The following PDGFC variants were observed in gnomAD, a reference collection of about 807,000 sequenced individuals.
The protein encoded by PDGFC is platelet-derived growth factor C.
PDGFC carries 12 observed loss-of-function variants against 35.5 expected under a neutral mutation model. The ratio of observed to expected loss-of-function variants is 0.34; its 90% CI spans 0.22 to 0.55. The LOEUF (loss-of-function observed/expected upper bound fraction) is 0.55, where lower values mean the gene tolerates loss of function less well. Among genes scored for constraint, PDGFC ranks in the 20% least tolerant of loss-of-function variants. The pLI, the probability that PDGFC is intolerant of heterozygous loss-of-function variation, is 0.91. For missense variants in PDGFC, 322 were observed against 412.4 expected, an observed-to-expected ratio of 0.78 and a Z score of 1.90; for synonymous variants, 159 against 148.8, an observed-to-expected ratio of 1.07 and a Z score of -0.50.
chr4:156,905,384 T>C (rs1185895934), intron 1 of PDGFC, among the ~76,000 whole-genome samples: 1 of 152,116 alleles, frequency 6.6e-6, no homozygotes, highest in East Asian at 1.9e-4. Flanking sequence ...CACTTTTGTA[T>C]TATATGTGCC....
chr4:156,876,920 A>G (rs902733566), intron 1 of PDGFC: 6 of 152,126 alleles, frequency 3.9e-5, no homozygotes, highest in Non-Finnish European at 7.4e-5. Flanking sequence ...GCTCTCTTTC[A>G]AAAGTATAAG....
chr4:156,939,391 A>C (rs1731755802), intron 1 of PDGFC, among the ~76,000 whole-genome samples: 1 of 152,086 alleles, frequency 6.6e-6, no homozygotes. Flanking sequence ...GGCAATTTCA[A>C]CCTTACATGA....
chr4:156,864,961 G>A (rs898228494), intron 1 of PDGFC, among the ~76,000 whole-genome samples: 2 of 151,920 alleles, frequency 1.3e-5, no homozygotes, highest in Non-Finnish European at 2.9e-5. Context: ...AGCTATGGAT[G>A]GTCAAATCAG....
Position 156,767,716 on chromosome 4 carries a change from T to C in PDGFC, c.921+57A>G, listed in dbSNP as rs1430754478. 7 of 1,081,614 alleles carry C rather than the reference T, an allele frequency of 6.5e-6. No homozygotes were observed. In the East Asian group the frequency reaches 1.2e-4, roughly 18 times the overall value. 67.0% of individuals were successfully genotyped at this position (1,081,614 alleles called of 1,614,324 possible). On this transcript the variant is annotated intron_variant, in intron 5 of 5. Coordinates refer to ENST00000502773, the MANE Select transcript of PDGFC (RefSeq NM_016205.3). ...ACATAAACGCATTTCAGATTCACTG[T>C]TTTGTTCTAAGACATAAAATACCCG...
intron 1 of PDGFC, among the ~76,000 whole-genome samples, chr4:156,867,686 G>A (rs530270019): frequency 6.6e-6 from 1 of 152,132 alleles, no homozygotes; most frequent in African/African-American, 2.4e-5. Flanking sequence ...CATATTTTAA[G>A]TGACTTATCG....
intron 1 of PDGFC, among the ~76,000 whole-genome samples, chr4:156,934,228 C>G (rs149145466): frequency 2.6e-5 from 4 of 152,178 alleles, no homozygotes; most frequent in Admixed American, 6.5e-5. Flanking sequence ...CTATTGCACA[C>G]GTAGGCTACG....
chr4:156,765,468 T>G (rs1730498567), intron 5 of PDGFC, among the ~76,000 whole-genome samples: 1 of 152,166 alleles, frequency 6.6e-6, no homozygotes. Context: ...CATGGACCAT[T>G]GCTCAACACG....
chr4:156,831,394 G>T (rs183506354), intron 2 of PDGFC, among the ~76,000 whole-genome samples: 5 of 150,646 alleles, frequency 3.3e-5, no homozygotes, highest in African/African-American at 9.8e-5. Context: ...GATCCCTTGA[G>T]CCCAAGAGTT....
chr4:156,805,910 C>T (rs1245228546), intron 3 of PDGFC, among the ~76,000 whole-genome samples: 1 of 151,950 alleles, frequency 6.6e-6, no homozygotes, highest in Admixed American at 6.6e-5. Flanking sequence ...CTTCTAACCC[C>T]TCCCCACAGA....
chr4:156,821,581 T>C (rs1277130989), intron 2 of PDGFC, among the ~76,000 whole-genome samples: 1 of 152,114 alleles, frequency 6.6e-6, no homozygotes, highest in Non-Finnish European at 1.5e-5. Flanking sequence ...AGGGTCTTGC[T>C]CTGTAGCCCA....
intron 1 of PDGFC, among the ~76,000 whole-genome samples, chr4:156,923,902 G>C (rs981461082): frequency 1.3e-5 from 2 of 152,170 alleles, no homozygotes; most frequent in Non-Finnish European, 2.9e-5. Flanking sequence ...ATTGGGGTTT[G>C]GGGGAACAGA....
At chr4:156,858,622 A>G (rs566490990) in intron 1 of PDGFC, among the ~76,000 whole-genome samples, 7 of 152,090 alleles carry the variant, frequency 4.6e-5, no homozygotes, top group Non-Finnish European at 1.0e-4. Flanking sequence ...AAGGTTCACT[A>G]TTGATTTTTT....
At chr4:156,766,398 A>C (rs921631019) in intron 5 of PDGFC, among the ~76,000 whole-genome samples, 2 of 152,128 alleles carry the variant, frequency 1.3e-5, no homozygotes, top group Admixed American at 1.3e-4. Flanking sequence ...ATTGACACAA[A>C]AAGTAAGAAT....
chr4:156,904,395 C>G (rs1210915925), intron 1 of PDGFC, among the ~76,000 whole-genome samples: 1 of 152,042 alleles, frequency 6.6e-6, no homozygotes, highest in East Asian at 1.9e-4. Context: ...CCTAAATACA[C>G]TCTAAAACCA....
chr4:156,962,785 C>T (rs944165400), intron 1 of PDGFC, among the ~76,000 whole-genome samples: 55 of 152,030 alleles, frequency 3.6e-4, no homozygotes, highest in African/African-American at 1.1e-3. Flanking sequence ...TAATACCTCA[C>T]GGAGAGTTTA....
At chr4:156,861,536 A>C (rs1480757601) in intron 1 of PDGFC, 5 of 685,576 alleles carry the variant, frequency 7.3e-6, no homozygotes, top group Non-Finnish European at 1.1e-5. Context: ...GGTGACCTCA[A>C]ATCCTAATCT....
intron 2 of PDGFC, among the ~76,000 whole-genome samples, chr4:156,830,749 A>G (rs1349697713): frequency 6.6e-6 from 1 of 152,198 alleles, no homozygotes; most frequent in Non-Finnish European, 1.5e-5. Context: ...CGAGCATGCA[A>G]TTCTTTAAAA....
intron 1 of PDGFC, among the ~76,000 whole-genome samples, chr4:156,917,520 T>A (rs1731180794): frequency 6.6e-6 from 1 of 152,186 alleles, no homozygotes; most frequent in Non-Finnish European, 1.5e-5. Context: ...TAAAATCTTG[T>A]TAAAGAAAAA....
At chr4:156,885,525 AT>A (rs1730355861) in intron 1 of PDGFC, among the ~76,000 whole-genome samples, 1 of 152,236 alleles carries the variant, frequency 6.6e-6, no homozygotes. Flanking sequence ...GTCTATAACA[AT>A]ATAAACTTCA....
Sources: gnomAD v4.1 joint callset for allele counts (sites outside exome capture counted in the v4.1 genomes callset) on GRCh38, gnomAD v4.1.1 for gene constraint, MANE v1.5 for transcripts, NCBI Gene and HGNC (gene_info 2026-07-23, HGNC 2026-07-21) for gene names.